SEL1L3: variants seen among roughly 807,000 people sequenced by gnomAD.
SEL1L3 encodes the protein protein sel-1 homolog 3.
A neutral mutation model predicts 142.8 loss-of-function variants in SEL1L3; 76 were observed. The observed-to-expected ratio is 0.53, with a 90% confidence interval of 0.44 to 0.64. SEL1L3 has a LOEUF of 0.64. SEL1L3 is among the 30% of genes least tolerant of loss of function. The pLI, the probability that SEL1L3 is intolerant of heterozygous loss-of-function variation, is 0.00. For synonymous variants in SEL1L3, 504 were observed against 519.6 expected (o/e 0.97, Z 0.41); for missense variants, 1,262 against 1,381.7 (o/e 0.91, Z 1.37).
At chr4:25,765,258 G>A (rs1577569801) in intron 20 of SEL1L3, 68 bp downstream of exon 20, 7 of 1,077,260 alleles carry the variant, frequency 6.5e-6, no homozygotes, top group Non-Finnish European at 8.7e-6. Flanking sequence ...CCTCCCAAAG[G>A]GCTGGGATTA....
At chr4:25,856,593 TAAAAA>T (rs397765802) in intron 1 of SEL1L3, among the ~76,000 whole-genome samples, 1 of 117,120 alleles carries the variant, frequency 8.5e-6, no homozygotes, top group Non-Finnish European at 1.9e-5. Context: ...GTATTGTAAT[TAAAAA>T]AAAAAAAAAA....
intron 5 of SEL1L3, 119 bp from the exon 6 acceptor site, chr4:25,830,275 T>C (rs1323175834): frequency 1.7e-6 from 1 of 599,306 alleles, no homozygotes; most frequent in African/African-American, 1.9e-5. Flanking sequence ...GATCAGTTTC[T>C]GCAAAAATAA....
intron 2 of SEL1L3, 103 bp downstream of exon 2, chr4:25,847,191 G>C: frequency 1.1e-6 from 1 of 916,472 alleles, no homozygotes. Flanking sequence ...CATCTTCCCT[G>C]TATCCCCCTT....
At chr4:25,739,453 TC>T in the SEL1L3 span, among the ~76,000 whole-genome samples, 1 of 152,254 alleles carries the variant, frequency 6.6e-6, no homozygotes, top group East Asian at 1.9e-4. Flanking sequence ...ACGCCTGTAA[TC>T]CCAGCACCTT....
chr4:25,755,897 A>C lies in SEL1L3; in HGVS notation c.3259+1637T>G, dbSNP rs144955494. The C allele has an allele frequency of 1.1e-4, 109 of 985,286 alleles. No homozygotes were observed. In the African/African-American group the frequency reaches 1.8e-3, roughly 16 times the overall value. 61.0% of individuals were successfully genotyped at this position (985,286 alleles called of 1,614,324 possible). ...ATGGAAAACACTGACAAGATGCAAA[A>C]TAAATGACTATACCTGGCAACAAAT... On this transcript the variant is annotated intron_variant, in intron 23 of 23. Transcript: ENST00000399878.
intron 1 of SEL1L3, among the ~76,000 whole-genome samples, chr4:25,855,772 A>G (rs1321173290): frequency 6.6e-6 from 1 of 152,158 alleles, no homozygotes; most frequent in African/African-American, 2.4e-5. Context: ...GGAAAAAAAA[A>G]AAGCACTGGG....
At chr4:25,721,214 C>CTTT in the SEL1L3 span, among the ~76,000 whole-genome samples, 70 of 148,258 alleles carry the variant, frequency 4.7e-4, no homozygotes, top group African/African-American at 1.6e-3. Flanking sequence ...AAGCTTGGAA[C>CTTT]TTTTTTTTTT....
At chr4:25,757,850 A>G (rs539367248) in intron 21 of SEL1L3, 60 bp from the exon 22 acceptor site, 12 of 1,218,758 alleles carry the variant, frequency 9.8e-6, no homozygotes, top group Non-Finnish European at 1.2e-5. Context: ...ACGACTCAGG[A>G]CTGGCATTTT....
At chr4:25,811,032 A>G (rs1713986991) in intron 9 of SEL1L3, among the ~76,000 whole-genome samples, 1 of 152,138 alleles carries the variant, frequency 6.6e-6, no homozygotes, top group Non-Finnish European at 1.5e-5. Flanking sequence ...CCTCCTCTGT[A>G]CACCCTGGCA....
chr4:25,764,844 G>GCT (rs1718606913), intron 20 of SEL1L3, among the ~76,000 whole-genome samples: 1 of 152,154 alleles, frequency 6.6e-6, no homozygotes, highest in Non-Finnish European at 1.5e-5. Flanking sequence ...TTTAATAAAG[G>GCT]CTCACCCTTA....
chr4:25,796,061 G>A (rs949123628), intron 11 of SEL1L3, among the ~76,000 whole-genome samples: 9 of 152,238 alleles, frequency 5.9e-5, no homozygotes, highest in South Asian at 4.1e-4. Context: ...TATTGTTGCC[G>A]TTTTATAAAA....
At chr4:25,844,190 G>T (rs1439360328) in intron 2 of SEL1L3, among the ~76,000 whole-genome samples, 3 of 152,154 alleles carry the variant, frequency 2.0e-5, no homozygotes, top group Admixed American at 6.5e-5. Flanking sequence ...TCATCAAGAA[G>T]CCCCTGCTAA....
intron 9 of SEL1L3, among the ~76,000 whole-genome samples, chr4:25,808,873 C>A (rs4692144): frequency 4.3e-5 from 1 of 23,478 alleles, no homozygotes; most frequent in South Asian, 1.6e-3. Flanking sequence ...ATCGAGAACA[C>A]CCTGGCTAAC....
At chr4:25,791,911 TAA>T (rs55799752) in intron 11 of SEL1L3, among the ~76,000 whole-genome samples, 48 of 134,360 alleles carry the variant, frequency 3.6e-4, no homozygotes, top group South Asian at 4.7e-4. Flanking sequence ...AGACTCAGTC[TAA>T]AAAAAAAAAA....
downstream of SEL1L3, among the ~76,000 whole-genome samples, chr4:25,743,628 A>G (rs533667723): frequency 1.3e-5 from 2 of 152,174 alleles, no homozygotes; most frequent in Non-Finnish European, 2.9e-5. Context: ...CAGGTCACAG[A>G]TAGGCGAGAG....
chr4:25,829,508 C>A (rs944175022), intron 6 of SEL1L3, among the ~76,000 whole-genome samples: 1 of 152,024 alleles, frequency 6.6e-6, no homozygotes, highest in African/African-American at 2.4e-5. Context: ...GAAGGTTGCC[C>A]CATGGTTCTG....
the SEL1L3 span, among the ~76,000 whole-genome samples, chr4:25,731,522 C>G: frequency 6.6e-6 from 1 of 152,164 alleles, no homozygotes; most frequent in African/African-American, 2.4e-5. Flanking sequence ...TTCGCCCAAG[C>G]AATCATTGGT....
At chr4:25,856,801 A>G (rs183051644) in intron 1 of SEL1L3, among the ~76,000 whole-genome samples, 259 of 152,330 alleles carry the variant, frequency 1.7e-3, no homozygotes, top group African/African-American at 6.0e-3. Flanking sequence ...TAAGAAAATC[A>G]ATAAGAAGAG....
At chr4:25,739,257 C>T in the SEL1L3 span, among the ~76,000 whole-genome samples, 1 of 151,990 alleles carries the variant, frequency 6.6e-6, no homozygotes, top group African/African-American at 2.4e-5. Flanking sequence ...TGTCTGGAGG[C>T]ATTTTTGGTT....
Sources: gnomAD v4.1 joint callset for allele counts (sites outside exome capture counted in the v4.1 genomes callset) on GRCh38, gnomAD v4.1.1 for gene constraint, MANE v1.5 for transcripts, NCBI Gene and HGNC (gene_info 2026-07-23, HGNC 2026-07-21) for gene names.